The following ABCC4 variants were observed in gnomAD, a reference collection of about 807,000 sequenced individuals.
The protein encoded by ABCC4 is ATP-binding cassette sub-family C member 4.
In ABCC4, 102 loss-of-function variants were observed where a neutral mutation model predicts 168.5. The observed-to-expected ratio is 0.61, with a 90% CI of 0.52 to 0.71. The LOEUF (loss-of-function observed/expected upper bound fraction) is 0.71, where lower values mean the gene tolerates loss of function less well. Among genes scored for constraint, ABCC4 ranks in the 30% least tolerant of loss-of-function variants. The pLI, the probability that ABCC4 is intolerant of heterozygous loss-of-function variation, is 0.00. For missense variants in ABCC4, 1,402 were observed against 1,605.8 expected (o/e 0.87, Z 2.17); for synonymous variants, 617 against 590.7 (o/e 1.04, Z -0.65).
intron 19 of ABCC4, among the ~76,000 whole-genome samples, chr13:95,124,243 A>G (rs1343433159): frequency 1.3e-5 from 2 of 152,214 alleles, no homozygotes; most frequent in Non-Finnish European, 2.9e-5. Flanking sequence ...AGTAGTCCAC[A>G]GAAGATAGCC....
intron 19 of ABCC4, among the ~76,000 whole-genome samples, chr13:95,140,674 T>C (rs1055650415): frequency 2.6e-5 from 4 of 152,236 alleles, no homozygotes; most frequent in Non-Finnish European, 5.9e-5. Context: ...TGCAATAGTG[T>C]CTGTCAATCA....
At chr13:95,144,055 A>G (rs2036406471) in intron 19 of ABCC4, among the ~76,000 whole-genome samples, 2 of 152,200 alleles carry the variant, frequency 1.3e-5, no homozygotes. Context: ...CATTACACAC[A>G]CACATACACA....
At chr13:95,264,344 G>GC (rs1373316201) in intron 1 of ABCC4, among the ~76,000 whole-genome samples, 1 of 152,104 alleles carries the variant, frequency 6.6e-6, no homozygotes. Flanking sequence ...TTCATGAGAA[G>GC]CAAGATATTT....
At chr13:95,247,295 A>G (rs1385242089) in intron 2 of ABCC4, among the ~76,000 whole-genome samples, 200 bp from the exon 3 acceptor site, 2 of 152,160 alleles carry the variant, frequency 1.3e-5, no homozygotes, top group Admixed American at 1.3e-4. Flanking sequence ...CTTGAGGGGA[A>G]GTCTGGGGAA....
intron 19 of ABCC4, among the ~76,000 whole-genome samples, chr13:95,136,684 A>G (rs2036153699): frequency 6.6e-6 from 1 of 152,226 alleles, no homozygotes; most frequent in Non-Finnish European, 1.5e-5. Flanking sequence ...CCACAGCCAC[A>G]CATCAATTCT....
At position 95,057,390 on chromosome 13, in the gene ABCC4, C is replaced by A. The variant is rs963768974; in HGVS notation, c.3367-4206G>T. On this transcript the variant is annotated intron_variant, in intron 26 of 30. Coordinates refer to ENST00000645237, the MANE Select transcript of ABCC4 (RefSeq NM_005845.5). ...GAGCAGCTGGGACTACAGATGCGCA[C>A]CACCACGTCCGGCTAATTTTTGTAT... 2.6e-5 allele frequency among the ~76,000 whole-genome samples: 4 copies of A among 152,288 alleles called. No homozygotes were observed. In the East Asian group the frequency reaches 7.7e-4, roughly 29 times the overall value.
At chr13:95,286,123 C>CTTTTTTTTTTTTTTTTTTTTTTTTTTTT (rs773328777) in intron 1 of ABCC4, among the ~76,000 whole-genome samples, 1 of 105,522 alleles carries the variant, frequency 9.5e-6, no homozygotes, top group Non-Finnish European at 1.9e-5. Context: ...TCCAGAAAAA[C>CTTTTTTTTTTTTTTTTTTTTTTTTTTTT]TTTTTTTTTT....
intron 1 of ABCC4, among the ~76,000 whole-genome samples, chr13:95,256,481 G>C (rs2040395382): frequency 6.6e-6 from 1 of 152,334 alleles, no homozygotes; most frequent in East Asian, 1.9e-4. Context: ...ATTGGCCGGG[G>C]ACTGTGGCTC....
intron 8 of ABCC4, among the ~76,000 whole-genome samples, chr13:95,203,122 T>A (rs1262701968): frequency 6.6e-6 from 1 of 152,196 alleles, no homozygotes; most frequent in Non-Finnish European, 1.5e-5. Flanking sequence ...TGAGTATTCA[T>A]AAGGCACTTG....
chr13:95,118,783 T>C (rs1215740535), intron 19 of ABCC4, among the ~76,000 whole-genome samples: 2 of 152,222 alleles, frequency 1.3e-5, no homozygotes, highest in Non-Finnish European at 2.9e-5. Context: ...TTTCGGACTG[T>C]TCTGTTAGAC....
At chr13:95,170,996 G>A (rs531896474) in intron 13 of ABCC4, among the ~76,000 whole-genome samples, 9 of 151,956 alleles carry the variant, frequency 5.9e-5, no homozygotes, top group Non-Finnish European at 7.4e-5. Flanking sequence ...GTAACGACGC[G>A]GCATTTTTCT....
At chr13:95,126,701 A>G (rs1443334109) in intron 19 of ABCC4, among the ~76,000 whole-genome samples, 1 of 129,910 alleles carries the variant, frequency 7.7e-6, no homozygotes, top group Admixed American at 9.5e-5. Context: ...TTCAATAAAA[A>G]TGCATGAACT....
chr13:95,217,561 G>A (rs572741090), intron 4 of ABCC4, among the ~76,000 whole-genome samples: 5 of 151,888 alleles, frequency 3.3e-5, no homozygotes, highest in Admixed American at 2.0e-4. Context: ...GTGAAACCCC[G>A]TCTCTACTAA....
At chr13:95,178,701 C>T (rs571540877) in intron 11 of ABCC4, among the ~76,000 whole-genome samples, 1 of 152,222 alleles carries the variant, frequency 6.6e-6, no homozygotes, top group African/African-American at 2.4e-5. Flanking sequence ...ACTGCGAGCA[C>T]AGGATGATGG....
At chr13:95,289,966 C>T (rs905602253) in intron 1 of ABCC4, among the ~76,000 whole-genome samples, 2 of 151,986 alleles carry the variant, frequency 1.3e-5, no homozygotes, top group Admixed American at 1.3e-4. Context: ...CATGGTAGCG[C>T]ATGCCTATAA....
At chr13:95,196,592 GGAAGGAA>G (rs2038431568) in intron 8 of ABCC4, among the ~76,000 whole-genome samples, 1 of 1,786 alleles carries the variant, frequency 5.6e-4, no homozygotes. Context: ...GAGGAAGGAA[GGAAGGAA>G]GGAAGGAAGG....
Position 95,206,725 on chromosome 13 carries a change from G to T in ABCC4, c.968C>A (p.Ser323Ter). ...SSCLRGMNLA[S>*]FFSASKIIVF... ...GATGATTTTGCTTGCACTGAAAAAT[G>T]AAGCCAAATTCATCCCTCTGAGGCA... Residue 323 changes from serine to a stop codon, truncating the protein, a stop_gained, in exon 8 of 31, where the codon TCA becomes TAA. Coordinates refer to ENST00000645237, the MANE Select transcript of ABCC4 (RefSeq NM_005845.5). LOFTEE classifies it high-confidence loss of function. 1 of 1,614,156 alleles carries T rather than the reference G, an allele frequency of 6.2e-7. No individual in the cohort carries two copies. Among genetic ancestry groups the T allele is most frequent in the South Asian group, 1.1e-5 (1 of 91,078 alleles).
chr13:95,131,903 T>C (rs572653098), intron 19 of ABCC4, among the ~76,000 whole-genome samples: 1 of 151,970 alleles, frequency 6.6e-6, no homozygotes, highest in Non-Finnish European at 1.5e-5. Flanking sequence ...GGTCCCCAAA[T>C]TATGAAACAC....
Position 95,200,449 on chromosome 13 carries a change from C to T in ABCC4, c.1162-5512G>A, listed in dbSNP as rs553427483. Among the ~76,000 whole-genome samples, 284 of 152,242 alleles carry T rather than the reference C, an allele frequency of 1.9e-3. 1 individual carries two copies. Among genetic ancestry groups the T allele is most frequent in the African/African-American group, 6.7e-3 (279 of 41,552 alleles). ...TTCTAAAGATATTGATTGGGCTGAG[C>T]GCAATGGCTCACGCTGTAATCCCAA... On this transcript the variant is annotated intron_variant, in intron 8 of 30. Coordinates refer to ENST00000645237, the MANE Select transcript of ABCC4 (RefSeq NM_005845.5).
Sources: gnomAD v4.1 joint callset for allele counts (sites outside exome capture counted in the v4.1 genomes callset) on GRCh38, gnomAD v4.1.1 for gene constraint, MANE v1.5 for transcripts, NCBI Gene and HGNC (gene_info 2026-07-23, HGNC 2026-07-21) for gene names.